The following ZCCHC14 variants were observed in gnomAD, a reference collection of about 807,000 sequenced individuals.
ZCCHC14 encodes the protein zinc finger CCHC domain-containing protein 14.
ZCCHC14 carries 16 observed loss-of-function variants against 85.0 expected under a neutral mutation model. That is an observed-to-expected ratio of 0.19 (90% CI 0.13 to 0.29). ZCCHC14 has a LOEUF of 0.29. Among genes scored for constraint, ZCCHC14 ranks in the 10% least tolerant of loss-of-function variants. ZCCHC14 has a pLI of 1.00. For missense variants in ZCCHC14, 1,303 were observed against 1,443.5 expected (o/e 0.90, Z 1.58); for synonymous variants, 775 against 630.7 (o/e 1.23, Z -3.43).
At chr16:87,458,293 T>A (rs1315354247) in intron 2 of ZCCHC14, among the ~76,000 whole-genome samples, 1 of 152,108 alleles carries the variant, frequency 6.6e-6, no homozygotes. Flanking sequence ...GGAGGAGCCC[T>A]TTCTACAGCG....
At chr16:87,459,172 T>C (rs1350855306) in intron 2 of ZCCHC14, among the ~76,000 whole-genome samples, 1 of 152,174 alleles carries the variant, frequency 6.6e-6, no homozygotes, top group Non-Finnish European at 1.5e-5. Context: ...AGGTAGCCAG[T>C]CACATTAGCC....
chr16:87,467,445 G>A lies in ZCCHC14; in HGVS notation c.571-7314C>T, dbSNP rs560746423. On this transcript the variant is annotated intron_variant, in intron 1 of 12. Transcript: ENST00000671377. ...AAATATGATTGGTAATAAAATGTCT[G>A]CCATTTCTGTTCACGGTGTGAGTAC... is the stretch of plus-strand genomic sequence containing the variant. 1.9e-6 allele frequency: 3 copies of A among 1,605,438 alleles called. No individual in the cohort carries two copies. In the African/African-American group the frequency reaches 4.0e-5, roughly 21 times the overall value.
intron 2 of ZCCHC14, among the ~76,000 whole-genome samples, chr16:87,445,359 C>G (rs1018054835): frequency 3.3e-5 from 5 of 152,220 alleles, no homozygotes; most frequent in African/African-American, 1.2e-4. Context: ...GCCACTGCAC[C>G]TGGCCTAAAA....
intron 2 of ZCCHC14, among the ~76,000 whole-genome samples, chr16:87,435,062 C>T (rs1409147717): frequency 6.7e-6 from 1 of 149,586 alleles, no homozygotes; most frequent in African/African-American, 2.5e-5. Context: ...TGTAAACTGT[C>T]AATGTACATT....
chr16:87,452,644 G>T (rs1461633098), intron 2 of ZCCHC14, among the ~76,000 whole-genome samples: 2 of 152,132 alleles, frequency 1.3e-5, no homozygotes, highest in African/African-American at 4.8e-5. Flanking sequence ...AGCTGCACAG[G>T]GATGACATTT....
At chr16:87,483,498 G>A (rs1436734452) in intron 1 of ZCCHC14, among the ~76,000 whole-genome samples, 1 of 151,232 alleles carries the variant, frequency 6.6e-6, no homozygotes, top group East Asian at 1.9e-4. Context: ...CTCAAATAAA[G>A]TAAAAATTAA....
intron 3 of ZCCHC14, among the ~76,000 whole-genome samples, chr16:87,431,427 C>T (rs1029308466): frequency 2.1e-5 from 3 of 143,984 alleles, no homozygotes; most frequent in East Asian, 2.1e-4. Context: ...GAGCCGAGAT[C>T]GCGTCACTGC....
In ZCCHC14 at chr16:87,408,851, TA is replaced by T. The variant is rs1247448266; in HGVS notation, c.*1428del. On this transcript the variant is annotated 3_prime_UTR_variant, in exon 13 of 13. Transcript: ENST00000671377. ...ATAGTCTGAATATTATAATTTTTTT[TA>T]AAATAAATATCCAACTGCAAAATCC... 1 of 152,612 alleles carries T rather than the reference TA, an allele frequency of 6.6e-6. No individual in the cohort carries two copies. Among genetic ancestry groups the T allele is most frequent in the Non-Finnish European group, 1.5e-5 (1 of 68,044 alleles). 9.5% of individuals were successfully genotyped at this position (152,612 alleles called of 1,614,324 possible).
chr16:87,417,156 G>C (rs1016614756), intron 8 of ZCCHC14, among the ~76,000 whole-genome samples: 1 of 152,216 alleles, frequency 6.6e-6, no homozygotes, highest in African/African-American at 2.4e-5. Flanking sequence ...CCGTGCCAGA[G>C]CTCAGGATTT....
rs181781407 is a variant in ZCCHC14, at chr16:87,423,523, A to T, written c.840+287T>A. On this transcript the variant is annotated intron_variant, in intron 4 of 12. Coordinates refer to ENST00000671377, the MANE Select transcript of ZCCHC14 (RefSeq NM_015144.3). ...GAAACCTGGGGGACTGAAAAGTAAC[A>T]AAAGAAACCAAATGTCCTCATCAGT... Among the ~76,000 whole-genome samples, 162 of 152,356 alleles carry T rather than the reference A, an allele frequency of 1.1e-3. 1 individual carries two copies. The highest frequency in any genetic ancestry group is 4.6e-4 in the Non-Finnish European group (31 of 68,036).
intron 2 of ZCCHC14, among the ~76,000 whole-genome samples, chr16:87,437,483 C>A (rs946478127): frequency 6.6e-6 from 1 of 152,072 alleles, no homozygotes; most frequent in Non-Finnish European, 1.5e-5. Context: ...GTAAAAATGG[C>A]GATTCGGCCA....
At chr16:87,429,021 G>C (rs1909516388) in intron 3 of ZCCHC14, among the ~76,000 whole-genome samples, 1 of 152,228 alleles carries the variant, frequency 6.6e-6, no homozygotes, top group African/African-American at 2.4e-5. Context: ...AAACACTCAT[G>C]CATGAATCTT....
chr16:87,419,976 T>C lies in ZCCHC14; in HGVS notation c.951-99A>G. 4 of 1,031,450 alleles carry C rather than the reference T, an allele frequency of 3.9e-6. No homozygotes were observed. In the South Asian group the frequency reaches 5.2e-5, roughly 14 times the overall value. The allele number at this position is 1,031,450 out of a possible 1,614,324, so 63.9% of individuals were successfully genotyped here. On this transcript the variant is annotated intron_variant, in intron 5 of 12. Coordinates refer to ENST00000671377, the MANE Select transcript of ZCCHC14 (RefSeq NM_015144.3). ...ACTTTTAATCAAGAGAAATGTGTATTAGAGGAAAAAAGCCAGAAGTGCCAG... is the reference window on the plus strand; with the variant it reads ...ACTTTTAATCAAGAGAAATGTGTATCAGAGGAAAAAAGCCAGAAGTGCCAG...
chr16:87,414,637 G>C, intron 9 of ZCCHC14, 96 bp from the exon 10 acceptor site: 2 of 1,479,208 alleles, frequency 1.4e-6, no homozygotes, highest in South Asian at 1.3e-5. Context: ...CCACAGGGCG[G>C]CTTTGATACA....
chr16:87,412,723 A>C lies in ZCCHC14; in HGVS notation c.1998T>G (p.Ser666=). ...CTTCTAGAGACAAAAGTGAGTGCAC[A>C]GAAGACGAGAGGAGCTTCATGTCCG... ...GSADMKLLSS[S]VHSLLSLEER... Residue 666 remains serine (S), a synonymous_variant, in exon 12 of 13, where the codon TCT becomes TCG. Transcript: ENST00000671377. 6.2e-7 allele frequency: 1 copy of C among 1,614,240 alleles called. No individual in the cohort carries two copies. Among genetic ancestry groups the C allele is most frequent in the South Asian group, 1.1e-5 (1 of 91,090 alleles).
intron 3 of ZCCHC14, among the ~76,000 whole-genome samples, chr16:87,429,370 G>A: frequency 6.6e-6 from 1 of 152,062 alleles, no homozygotes; most frequent in Non-Finnish European, 1.5e-5. Flanking sequence ...GTGGAGACAG[G>A]GTCTCACTGT....
chr16:87,410,564 T>G (rs1284671439), intron 12 of ZCCHC14, among the ~76,000 whole-genome samples: 1 of 152,228 alleles, frequency 6.6e-6, no homozygotes, highest in African/African-American at 2.4e-5. Context: ...GTTCACCATC[T>G]TTTTCTTTGG....
In ZCCHC14 at chr16:87,420,800, C is replaced by T. The variant is rs1420373396; in HGVS notation, c.841-84G>A. 4.2e-6 allele frequency: 5 copies of T among 1,192,424 alleles called. No individual in the cohort carries two copies. Among genetic ancestry groups the T allele is most frequent in the Admixed American group, 2.3e-5 (1 of 42,862 alleles). The allele number at this position is 1,192,424 out of a possible 1,614,324, so 73.9% of individuals were successfully genotyped here. A position where few individuals can be genotyped will look rare whatever the true frequency, so the allele number is the denominator to read the frequency against. On this transcript the variant is annotated intron_variant, in intron 4 of 12. Coordinates refer to ENST00000671377, the MANE Select transcript of ZCCHC14 (RefSeq NM_015144.3). The surrounding 1 kb of genome is among the most constrained non-coding windows in gnomAD (Gnocchi z 5.0). Reference sequence around the variant, plus strand: ...TCTGCTACTGCAGGAAAACCTGGGGCAGGTGCTCCATGGTGCCGCCTGCTG... The same window carrying T: ...TCTGCTACTGCAGGAAAACCTGGGGTAGGTGCTCCATGGTGCCGCCTGCTG...
chr16:87,491,878 G>A lies in ZCCHC14; in HGVS notation c.361C>T (p.Leu121=), dbSNP rs542907464. 8.4e-6 allele frequency: 13 copies of A among 1,547,850 alleles called. No homozygotes were observed. In the African/African-American group the frequency reaches 1.3e-4, roughly 15 times the overall value. ...HIDSIIHNYG[L]QLNEGRTGDE... ...CCCGTGCGGCCCTCGTTAAGCTGCAGCCCGTAGTTGTGGATGATGGAGTCG... is the reference window on the plus strand; with the variant it reads ...CCCGTGCGGCCCTCGTTAAGCTGCAACCCGTAGTTGTGGATGATGGAGTCG... The change falls in exon 1 of 13, where the codon CTG becomes TTG. Residue 121 remains leucine, a synonymous_variant. Coordinates refer to ENST00000671377, the MANE Select transcript of ZCCHC14 (RefSeq NM_015144.3). This position sits in a 1 kb window ranked among gnomAD's most constrained non-coding sequence, Gnocchi z 5.9.
Sources: gnomAD v4.1 joint callset for allele counts (sites outside exome capture counted in the v4.1 genomes callset) on GRCh38, gnomAD v4.1.1 for gene constraint, Gnocchi (gnomAD v3.1) non-coding constraint, MANE v1.5 for transcripts, NCBI Gene and HGNC (gene_info 2026-07-23, HGNC 2026-07-21) for gene names.